Variants in STAB1 observed in about 807,000 individuals in gnomAD.
STAB1 encodes the protein stabilin-1.
A neutral mutation model predicts 332.4 loss-of-function variants in STAB1; 250 were observed. The ratio of observed to expected loss-of-function variants is 0.75; its 90% CI spans 0.68 to 0.84. The LOEUF is 0.84. Ranked by LOEUF, STAB1 falls within the 40% of genes least tolerant of loss-of-function variation. STAB1 has a pLI of 0.00. For synonymous variants in STAB1, 1,475 were observed against 1,390.4 expected, an observed-to-expected ratio of 1.06 and a Z score of -1.35; for missense variants, 3,249 against 3,489.7, an observed-to-expected ratio of 0.93 and a Z score of 1.74.
At chr3:52,509,824 C>T in intron 22 of STAB1, 46 bp from the exon 23 acceptor site, 1 of 1,609,786 alleles carries the variant, frequency 6.2e-7, no homozygotes, top group Non-Finnish European at 8.5e-7. Flanking sequence ...CCAGCCAGCC[C>T]TGCCTCCTGC....
chr3:52,522,026 C>T lies in STAB1; in HGVS notation c.6272-11C>T. On this transcript the variant is annotated splice_polypyrimidine_tract_variant and intron_variant, in intron 58 of 68. Transcript: ENST00000321725. The stretch of plus-strand genomic sequence containing the variant: ...AGTCACTAGGTCCAACCACTCCCTC[C>T]CTGCCCTCAGTGGCAGACCTGTGCC... 6.2e-7 allele frequency: 1 copy of T among 1,612,966 alleles called. No homozygotes were observed. Among genetic ancestry groups the T allele is most frequent in the Non-Finnish European group, 8.5e-7 (1 of 1,179,644 alleles).
Position 52,513,874 on chromosome 3 carries a change from C to T in STAB1, c.3349-9C>T. The T allele has an allele frequency of 6.2e-7, 1 of 1,610,132 alleles. No individual in the cohort carries two copies. On this transcript the variant is annotated splice_polypyrimidine_tract_variant and intron_variant, in intron 31 of 68. Transcript: ENST00000321725. ...TGACATACTGACCAGGCCCTGTGCT[C>T]TGTACCAGGTCTTACTGCCCCCCCG...
chr3:52,506,890 C>A (rs767357918), intron 18 of STAB1, 40 bp downstream of exon 18: 47 of 1,601,864 alleles, frequency 2.9e-5, no homozygotes, highest in Non-Finnish European at 3.9e-5. Context: ...ACTCACTAAC[C>A]CCTGTCAGCG....
At chr3:52,496,520 CAG>C (rs895036290) in intron 1 of STAB1, among the ~76,000 whole-genome samples, 1 of 152,176 alleles carries the variant, frequency 6.6e-6, no homozygotes, top group African/African-American at 2.4e-5. Flanking sequence ...AGAGAGGCAG[CAG>C]GGAGAAGGGC....
At position 52,510,946 on chromosome 3, in the gene STAB1, G is replaced by A. The variant is rs116111745; in HGVS notation, c.2787+439G>A. 2.4e-4 allele frequency among the ~76,000 whole-genome samples: 36 copies of A among 152,342 alleles called. 1 individual carries two copies. The highest frequency in any genetic ancestry group is 8.2e-4 in the African/African-American group (34 of 41,586). The stretch of plus-strand genomic sequence containing the variant: ...GGACAGGCATTGAAGACTGTCTAAC[G>A]CGCCAAGTGGGAGGCCAGGCCTGGC... On this transcript the variant is annotated intron_variant, in intron 25 of 68. Transcript: ENST00000321725.
intron 1 of STAB1, among the ~76,000 whole-genome samples, chr3:52,497,180 T>C (rs1262792385): frequency 3.3e-5 from 5 of 152,076 alleles, no homozygotes; most frequent in Admixed American, 1.3e-4. Flanking sequence ...TTTGAATTTT[T>C]AGTTTCACCA....
chr3:52,497,445 C>G (rs188668254), intron 1 of STAB1, among the ~76,000 whole-genome samples: 1 of 117,112 alleles, frequency 8.5e-6, no homozygotes, highest in Non-Finnish European at 1.6e-5. Context: ...TGGTGTCTCT[C>G]TCTGTTGTCC....
chr3:52,511,531 T>C (rs896002874), intron 25 of STAB1, 119 bp from the exon 26 acceptor site: 2 of 804,614 alleles, frequency 2.5e-6, no homozygotes, highest in African/African-American at 3.5e-5. Context: ...CTGGGAGAAG[T>C]TCCTCTGGGG....
chr3:52,518,059 G>T, intron 45 of STAB1, 56 bp downstream of exon 45: 2 of 1,554,934 alleles, frequency 1.3e-6, no homozygotes, highest in South Asian at 1.2e-5. Context: ...CCATGGGCCT[G>T]ACCCATGGTC....
At position 52,518,528 on chromosome 3, in the gene STAB1, TC is replaced by T; in HGVS notation, c.4810-5del. On this transcript the variant is annotated splice_polypyrimidine_tract_variant and splice_region_variant and intron_variant, in intron 46 of 68. Transcript: ENST00000321725. Reference sequence around the variant, plus strand: ...CCATTCCACTCATGCTGTTGCTGCCTCCCGCAGGAATATAAGGAGCTCAAGG... The same window carrying T: ...CCATTCCACTCATGCTGTTGCTGCCTCCGCAGGAATATAAGGAGCTCAAGG... 1 of 1,579,800 alleles carries T rather than the reference TC, an allele frequency of 6.3e-7. No individual in the cohort carries two copies. The highest frequency in any genetic ancestry group is 8.6e-7 in the Non-Finnish European group (1 of 1,162,080).
At chr3:52,495,961 G>A (rs960798566) in intron 1 of STAB1, among the ~76,000 whole-genome samples, 4 of 152,182 alleles carry the variant, frequency 2.6e-5, no homozygotes, top group Non-Finnish European at 4.4e-5. Context: ...CTTAGTGTCC[G>A]GGGTTATGAG....
chr3:52,519,611 TAAGTGTGTGC>T (rs775010509), intron 50 of STAB1, 47 bp downstream of exon 50: 20 of 373,398 alleles, frequency 5.4e-5, no homozygotes, highest in African/African-American at 2.8e-5. Flanking sequence ...CATGCACGTG[TAAGTGTGTGC>T]AAGTGTGTAT....
chr3:52,507,686 C>A lies in STAB1; in HGVS notation c.2052+11C>A, dbSNP rs1180209816. On this transcript the variant is annotated intron_variant, in intron 19 of 68. Coordinates refer to ENST00000321725, the MANE Select transcript of STAB1 (RefSeq NM_015136.3). ...AACAGTGTGAAGCTGGTGAGCACAC[C>A]TTGGCCCAGCTCTCAGGGCCTCCTG... is the stretch of plus-strand genomic sequence containing the variant. 2 of 1,613,382 alleles carry A rather than the reference C, an allele frequency of 1.2e-6. No homozygotes were observed. The highest frequency in any genetic ancestry group is 1.7e-6 in the Non-Finnish European group (2 of 1,180,000).
rs186448549 is a variant in STAB1, at chr3:52,507,874, C to G, written c.2053-57C>G. ...AGGTCCCTTAACCAGGGCTGCCTAG[C>G]AAAGGGGCTGGCCCAGAACCCACAC... On this transcript the variant is annotated intron_variant, in intron 19 of 68. Transcript: ENST00000321725. 563 of 1,556,980 alleles carry G rather than the reference C, an allele frequency of 3.6e-4. 1 individual carries two copies. The highest frequency in any genetic ancestry group is 3.2e-3 in the African/African-American group (236 of 73,858).
At position 52,523,936 on chromosome 3, in the gene STAB1, A is replaced by C; in HGVS notation, c.7461A>C (p.Gly2487=). The change falls in exon 67 of 69, where the codon GGA becomes GGC. Residue 2487 remains glycine (G), a synonymous_variant. Transcript: ENST00000321725. The part of the protein sequence containing the change: ...AAGVGAVLAA[G]ALLGLVAGAL... ...GCGTGGGGGCTGTGCTTGCCGCTGG[A>C]GCACTGCTTGGCTTGGTGGCCGGAG... is the stretch of plus-strand genomic sequence containing the variant. The C allele has an allele frequency of 1.9e-6, 3 of 1,610,444 alleles. No individual in the cohort carries two copies. Among genetic ancestry groups the C allele is most frequent in the Non-Finnish European group, 2.5e-6 (3 of 1,179,894 alleles).
At chr3:52,496,531 G>T (rs1708038622) in intron 1 of STAB1, among the ~76,000 whole-genome samples, 1 of 152,194 alleles carries the variant, frequency 6.6e-6, no homozygotes, top group South Asian at 2.1e-4. Flanking sequence ...AGGGAGAAGG[G>T]CCTCACCAGC....
chr3:52,512,867 G>T lies in STAB1; in HGVS notation c.3067G>T (p.Ala1023Ser). Residue 1023 changes from alanine to serine, a missense_variant, in exon 29 of 69, where the codon GCC becomes TCC. Ala to Ser is a moderately conservative substitution (Grantham distance 99). Transcript: ENST00000321725. ...ITLPADRRVT[A>S]LVPSEAAVRQ... Reference sequence around the variant, plus strand: ...GCTTCCTGCCGACCGCCGAGTCACAGCCCTGGTGCCCTCCGAGGCTGCAGT... The same window carrying T: ...GCTTCCTGCCGACCGCCGAGTCACATCCCTGGTGCCCTCCGAGGCTGCAGT... 1.2e-6 allele frequency: 2 copies of T among 1,611,372 alleles called. No individual in the cohort carries two copies. The highest frequency in any genetic ancestry group is 1.7e-6 in the Non-Finnish European group (2 of 1,179,922).
At chr3:52,509,677 A>G (rs187519626) in intron 22 of STAB1, among the ~76,000 whole-genome samples, 193 bp from the exon 23 acceptor site, 8 of 152,300 alleles carry the variant, frequency 5.3e-5, no homozygotes. Flanking sequence ...GAATGGGATA[A>G]TTGAAAGCTC....
rs747751025 is a variant in STAB1 at position 52,522,362 on chromosome 3, C to T, written c.6498C>T (p.Tyr2166=). 29 of 1,612,904 alleles carry T rather than the reference C, an allele frequency of 1.8e-5. No homozygotes were observed. The highest frequency in any genetic ancestry group is 3.3e-5 in the South Asian group (3 of 91,096). ...GGCGCTGTGAGTGCCACGCAGGCTACGTAGGCGATGGACTGCAGTGTCTGG... is the reference window on the plus strand; with the variant it reads ...GGCGCTGTGAGTGCCACGCAGGCTATGTAGGCGATGGACTGCAGTGTCTGG... The part of the protein sequence containing the change: ...NTRRCECHAG[Y]VGDGLQCLEE... Residue 2166 remains tyrosine (Y), a synonymous_variant, in exon 60 of 69, where the codon TAC becomes TAT. Transcript: ENST00000321725.
Sources: gnomAD v4.1 joint callset for allele counts (sites outside exome capture counted in the v4.1 genomes callset) on GRCh38, gnomAD v4.1.1 for gene constraint, MANE v1.5 for transcripts, NCBI Gene and HGNC (gene_info 2026-07-23, HGNC 2026-07-21) for gene names.